Variants in TMEFF1 observed in about 807,000 individuals in gnomAD.
The protein encoded by TMEFF1 is tomoregulin-1.
Under a neutral mutation model 47.5 loss-of-function variants are expected in TMEFF1, and 20 were observed. The ratio of observed to expected loss-of-function variants is 0.42; its 90% CI spans 0.30 to 0.61. TMEFF1 has a LOEUF of 0.61. Among genes scored for constraint, TMEFF1 ranks in the 20% least tolerant of loss-of-function variants. TMEFF1 has a pLI of 0.19. For missense variants in TMEFF1, 411 were observed against 471.1 expected, an observed-to-expected ratio of 0.87 and a Z score of 1.18; for synonymous variants, 162 against 166.3, an observed-to-expected ratio of 0.97 and a Z score of 0.20.
At chr9:100,501,755 C>T (rs763027464) in intron 2 of TMEFF1, among the ~76,000 whole-genome samples, 1 of 152,116 alleles carries the variant, frequency 6.6e-6, no homozygotes, top group Non-Finnish European at 1.5e-5. Flanking sequence ...AATGATTCTC[C>T]TGCCTCAGCC....
intron 1 of TMEFF1, among the ~76,000 whole-genome samples, chr9:100,497,775 C>T (rs984342562): frequency 3.3e-5 from 5 of 152,062 alleles, no homozygotes; most frequent in African/African-American, 9.7e-5. Flanking sequence ...ATCTCTTTGC[C>T]GGGACCTCAT....
intron 8 of TMEFF1, among the ~76,000 whole-genome samples, chr9:100,566,068 C>T (rs186864115): frequency 8.7e-4 from 132 of 152,334 alleles, no homozygotes; most frequent in Admixed American, 2.5e-3. Flanking sequence ...TCACCCCCTC[C>T]TGTGTGATAT....
intron 2 of TMEFF1, among the ~76,000 whole-genome samples, chr9:100,499,817 C>A (rs1196208185): frequency 1.3e-5 from 2 of 152,166 alleles, no homozygotes; most frequent in East Asian, 3.9e-4. Flanking sequence ...TCTTTGAAAA[C>A]TGTAAACCAT....
chr9:100,561,287 G>A lies in TMEFF1; in HGVS notation c.776-110G>A, dbSNP rs997602816. 6 of 1,503,788 alleles carry A rather than the reference G, an allele frequency of 4.0e-6. No homozygotes were observed. The African/African-American group carries it at 7.0e-5, about 18-fold the overall frequency. 93.2% of individuals were successfully genotyped at this position (1,503,788 alleles called of 1,614,324 possible). ...GATAAATTTTCTTTTCAAATTGCCA[G>A]TAGGTGGTTGACAGTGGGTGAATTC... is the stretch of plus-strand genomic sequence containing the variant. On this transcript the variant is annotated intron_variant, in intron 7 of 9. Coordinates refer to ENST00000374879, the MANE Select transcript of TMEFF1 (RefSeq NM_003692.5).
At chr9:100,510,104 T>G (rs140027010) in intron 3 of TMEFF1, among the ~76,000 whole-genome samples, 140 of 152,264 alleles carry the variant, frequency 9.2e-4, no homozygotes, top group Non-Finnish European at 1.8e-3. Context: ...AATTCTCCAT[T>G]TTACTAAATG....
chr9:100,538,054 G>T (rs1838554341), intron 5 of TMEFF1, among the ~76,000 whole-genome samples: 1 of 151,962 alleles, frequency 6.6e-6, no homozygotes, highest in Admixed American at 6.6e-5. Context: ...CCCAAGGCAA[G>T]AAACAGAATT....
At chr9:100,537,690 T>G (rs530796451) in intron 5 of TMEFF1, among the ~76,000 whole-genome samples, 1 of 152,262 alleles carries the variant, frequency 6.6e-6, no homozygotes, top group East Asian at 1.9e-4. Flanking sequence ...AATATTTGTT[T>G]AGATACAGAG....
chr9:100,545,440 C>G (rs749553542), intron 5 of TMEFF1, among the ~76,000 whole-genome samples: 1 of 152,200 alleles, frequency 6.6e-6, no homozygotes, highest in Non-Finnish European at 1.5e-5. Flanking sequence ...ATGGCTGGAG[C>G]AGCTGAGATG....
chr9:100,516,862 T>C, intron 5 of TMEFF1, 91 bp downstream of exon 5: 3 of 1,455,844 alleles, frequency 2.1e-6, no homozygotes, highest in Non-Finnish European at 2.7e-6. Context: ...CCTGGTTCTG[T>C]ATCTTTTGTG....
At chr9:100,534,613 GA>G (rs1234926214) in intron 5 of TMEFF1, among the ~76,000 whole-genome samples, 1 of 152,070 alleles carries the variant, frequency 6.6e-6, no homozygotes, top group Non-Finnish European at 1.5e-5. Flanking sequence ...CACTGAGCTG[GA>G]CTTTACTTGA....
chr9:100,571,766 G>T (rs1321273288), intron 8 of TMEFF1, among the ~76,000 whole-genome samples: 1 of 152,140 alleles, frequency 6.6e-6, no homozygotes, highest in Admixed American at 6.5e-5. Flanking sequence ...CCATAATGTA[G>T]AATTGGTGGG....
chr9:100,556,305 T>G (rs575237971), intron 7 of TMEFF1, among the ~76,000 whole-genome samples: 2 of 152,326 alleles, frequency 1.3e-5, no homozygotes, highest in East Asian at 3.9e-4. Flanking sequence ...ACATTTTCTC[T>G]TCGGAACCCC....
At chr9:100,509,236 A>G in intron 3 of TMEFF1, 102 bp downstream of exon 3, 7 of 1,352,194 alleles carry the variant, frequency 5.2e-6, no homozygotes, top group Non-Finnish European at 5.7e-6. Context: ...TGCTGTGTGG[A>G]TTGGTGGTGG....
At chr9:100,570,372 A>G (rs1839209727) in intron 8 of TMEFF1, among the ~76,000 whole-genome samples, 1 of 151,990 alleles carries the variant, frequency 6.6e-6, no homozygotes, top group Admixed American at 6.6e-5. Flanking sequence ...TTCCATAATA[A>G]CTGTATCTTA....
intron 1 of TMEFF1, among the ~76,000 whole-genome samples, chr9:100,483,828 C>T (rs1837391108): frequency 6.6e-6 from 1 of 151,812 alleles, no homozygotes; most frequent in Non-Finnish European, 1.5e-5. Context: ...CAAGTTGGCC[C>T]CTACCAAAGG....
intron 5 of TMEFF1, among the ~76,000 whole-genome samples, chr9:100,519,752 C>G (rs1356431875): frequency 6.9e-6 from 1 of 144,018 alleles, no homozygotes; most frequent in African/African-American, 2.6e-5. Flanking sequence ...CTTGGTCACT[C>G]TGAGTACTAG....
chr9:100,484,344 GTC>G (rs1209692810), intron 1 of TMEFF1, among the ~76,000 whole-genome samples: 1 of 149,374 alleles, frequency 6.7e-6, no homozygotes, highest in Non-Finnish European at 1.5e-5. Flanking sequence ...TTGAGATGGA[GTC>G]TCTCTCTGTT....
rs190227952 is a variant in TMEFF1 at position 100,498,713 on chromosome 9, A to G, written c.197-52A>G. On this transcript the variant is annotated intron_variant, in intron 1 of 9. Transcript: ENST00000374879. ...CACACACACACGCGCACAGACACAC[A>G]CACGTAATAAAAAGCCAAATATATA... is the stretch of plus-strand genomic sequence containing the variant. 76 of 1,564,840 alleles carry G rather than the reference A, an allele frequency of 4.9e-5. No homozygotes were observed. In the East Asian group the frequency reaches 1.1e-3, roughly 22 times the overall value.
chr9:100,522,965 C>T (rs1202221415), intron 5 of TMEFF1, among the ~76,000 whole-genome samples: 1 of 152,154 alleles, frequency 6.6e-6, no homozygotes, highest in Non-Finnish European at 1.5e-5. Context: ...GTCTTGATCT[C>T]CTGACTTAGT....
Sources: gnomAD v4.1 joint callset for allele counts (sites outside exome capture counted in the v4.1 genomes callset) on GRCh38, gnomAD v4.1.1 for gene constraint, MANE v1.5 for transcripts, NCBI Gene and HGNC (gene_info 2026-07-23, HGNC 2026-07-21) for gene names.